The following RIMS1 variants were observed in gnomAD, a reference collection of about 807,000 sequenced individuals.
The protein encoded by RIMS1 is regulating synaptic membrane exocytosis protein 1.
A neutral mutation model predicts 214.1 loss-of-function variants in RIMS1; 83 were observed. That is an observed-to-expected ratio of 0.39 (90% CI 0.32 to 0.47). RIMS1 has a LOEUF of 0.47. Ranked by LOEUF, RIMS1 falls within the 20% of genes least tolerant of loss-of-function variation. The pLI is 0.99. For missense variants in RIMS1, 2,050 were observed against 2,161.8 expected (o/e 0.95, Z 1.03); for synonymous variants, 793 against 786.8 (o/e 1.01, Z -0.13).
intron 17 of RIMS1, among the ~76,000 whole-genome samples, 165 bp downstream of exon 17, chr6:72,258,446 C>T (rs2076765813): frequency 6.6e-6 from 1 of 152,004 alleles, no homozygotes; most frequent in Admixed American, 6.6e-5. Context: ...ACCTATGTGG[C>T]AGTCTGTTGT....
rs949912454 is a variant in RIMS1 at position 72,263,404 on chromosome 6, A to G, written c.3117-1571A>G. 4 of 980,554 alleles carry G rather than the reference A, an allele frequency of 4.1e-6. No individual in the cohort carries two copies. The African/African-American group carries it at 5.3e-5, about 13-fold the overall frequency. 60.7% of individuals were successfully genotyped at this position (980,554 alleles called of 1,614,324 possible). ...CTGTTAAGTGGAAGTTATTTCCCAC[A>G]TTTTGTGGATGTAGAAACAGGCTTG... On this transcript the variant is annotated intron_variant, in intron 19 of 33. Transcript: ENST00000521978.
chr6:72,209,993 T>C (rs1052350535), intron 6 of RIMS1, among the ~76,000 whole-genome samples: 2 of 152,042 alleles, frequency 1.3e-5, no homozygotes, highest in African/African-American at 4.8e-5. Context: ...AATGGAACTT[T>C]GGTACAGAAG....
chr6:72,155,953 A>G (rs1052351878), intron 4 of RIMS1: 7 of 208,442 alleles, frequency 3.4e-5, no homozygotes, highest in South Asian at 3.0e-4. Flanking sequence ...CTATTATCAA[A>G]ATGTTAGAAG....
At chr6:72,304,749 A>G (rs1172084841) in intron 26 of RIMS1, among the ~76,000 whole-genome samples, 6 of 151,938 alleles carry the variant, frequency 3.9e-5, no homozygotes, top group Admixed American at 3.9e-4. Flanking sequence ...GGCACATGTC[A>G]TTGGGAAATA....
intron 29 of RIMS1, among the ~76,000 whole-genome samples, chr6:72,386,304 T>G (rs1271083292): frequency 6.6e-6 from 1 of 152,216 alleles, no homozygotes; most frequent in Non-Finnish European, 1.5e-5. Context: ...GTGAAACCTG[T>G]GTTAGATAAT....
intron 6 of RIMS1, among the ~76,000 whole-genome samples, chr6:72,213,485 TA>T (rs1427995096): frequency 6.6e-6 from 1 of 152,146 alleles, no homozygotes; most frequent in African/African-American, 2.4e-5. Context: ...TCCTGTGTAA[TA>T]GCCACATCAA....
At position 72,161,080 on chromosome 6, in the gene RIMS1, T is replaced by G. The variant is rs1162545718; in HGVS notation, c.472-18495T>G. Among the ~76,000 whole-genome samples the G allele has an allele frequency of 1.4e-5, 2 of 140,332 alleles. 1 individual carries two copies. Among genetic ancestry groups the G allele is most frequent in the Non-Finnish European group, 3.2e-5 (2 of 61,876 alleles). 92.1% of individuals were successfully genotyped at this position (140,332 alleles called of 152,430 possible). A position where few individuals can be genotyped will look rare whatever the true frequency, so the allele number is the denominator to read the frequency against. ...AATTTCAGAAGCTGTTATTGGTCTA[T>G]TAAGAGATTCCACTTCTTCCTGGTT... On this transcript the variant is annotated intron_variant, in intron 4 of 33. Coordinates refer to ENST00000521978, the MANE Select transcript of RIMS1 (RefSeq NM_014989.7).
intron 2 of RIMS1, among the ~76,000 whole-genome samples, chr6:72,004,746 G>A (rs1283432688): frequency 6.6e-6 from 1 of 151,814 alleles, no homozygotes; most frequent in Non-Finnish European, 1.5e-5. Context: ...ATTTGTTTGA[G>A]TTCTTTGTAG....
chr6:71,979,598 G>GT lies in RIMS1; in HGVS notation c.245+10536dup, dbSNP rs1797999662. Among the ~76,000 whole-genome samples, 3 of 152,000 alleles carry GT rather than the reference G, an allele frequency of 2.0e-5. No individual in the cohort carries two copies. The South Asian group carries it at 6.2e-4, about 31-fold the overall frequency. The stretch of plus-strand genomic sequence containing the variant: ...CAAATATTTACCATGATCTTACAGT[G>GT]TACTTGACACAATTTGAGAATAATT... On this transcript the variant is annotated intron_variant, in intron 2 of 33. Coordinates refer to ENST00000521978, the MANE Select transcript of RIMS1 (RefSeq NM_014989.7).
chr6:72,267,172 A>C (rs1296927180), intron 22 of RIMS1, among the ~76,000 whole-genome samples: 4 of 152,156 alleles, frequency 2.6e-5, no homozygotes, highest in Non-Finnish European at 4.4e-5. Flanking sequence ...ATTTTAGTTG[A>C]AAGGACTATA....
At chr6:72,194,225 A>T (rs1029241996) in intron 6 of RIMS1, among the ~76,000 whole-genome samples, 3 of 152,180 alleles carry the variant, frequency 2.0e-5, no homozygotes, top group African/African-American at 7.2e-5. Flanking sequence ...CATTCTTCAC[A>T]GAATTAGATT....
intron 26 of RIMS1, among the ~76,000 whole-genome samples, chr6:72,306,850 G>A (rs1221925861): frequency 2.0e-5 from 3 of 152,176 alleles, no homozygotes; most frequent in Non-Finnish European, 4.4e-5. Flanking sequence ...GTGCATGCAT[G>A]TAAGCATGTG....
At chr6:71,917,220 C>T (rs1778690801) in intron 1 of RIMS1, among the ~76,000 whole-genome samples, 3 of 152,094 alleles carry the variant, frequency 2.0e-5, no homozygotes, top group African/African-American at 7.2e-5. Context: ...TAAACACTGG[C>T]TATTACCATT....
intron 4 of RIMS1, among the ~76,000 whole-genome samples, chr6:72,129,732 A>G (rs1374300600): frequency 6.8e-6 from 1 of 147,840 alleles, no homozygotes; most frequent in East Asian, 2.0e-4. Flanking sequence ...GAAAACTGCT[A>G]AAAAAAAAAC....
chr6:72,115,734 A>G (rs1329369417), intron 4 of RIMS1, among the ~76,000 whole-genome samples: 1 of 151,912 alleles, frequency 6.6e-6, no homozygotes, highest in Non-Finnish European at 1.5e-5. Context: ...TATTTAATGT[A>G]TGGTATATAT....
intron 1 of RIMS1, among the ~76,000 whole-genome samples, 190 bp downstream of exon 1, chr6:71,887,377 A>G (rs984896143): frequency 3.9e-5 from 6 of 151,932 alleles, no homozygotes; most frequent in African/African-American, 1.5e-4. Flanking sequence ...CGGAGGAGGG[A>G]GGGGATATGC....
chr6:72,075,454 G>A (rs1486148794), intron 2 of RIMS1, among the ~76,000 whole-genome samples: 1 of 152,042 alleles, frequency 6.6e-6, no homozygotes, highest in East Asian at 1.9e-4. Flanking sequence ...TCCTTCTAAT[G>A]ATAAAGTCCA....
At chr6:72,264,486 CT>C (rs545543423) in intron 19 of RIMS1, among the ~76,000 whole-genome samples, 1 of 150,758 alleles carries the variant, frequency 6.6e-6, no homozygotes. Flanking sequence ...TTTCTGTTTC[CT>C]TTTTTTTTGC....
intron 22 of RIMS1, among the ~76,000 whole-genome samples, chr6:72,271,263 C>G (rs2082955813): frequency 1.2e-5 from 1 of 82,132 alleles, no homozygotes; most frequent in African/African-American, 4.7e-5. Flanking sequence ...AAGACTCCAT[C>G]TCAAGGAAAA....
Sources: gnomAD v4.1 joint callset for allele counts (sites outside exome capture counted in the v4.1 genomes callset) on GRCh38, gnomAD v4.1.1 for gene constraint, MANE v1.5 for transcripts, NCBI Gene and HGNC (gene_info 2026-07-23, HGNC 2026-07-21) for gene names.